The following GRIN2A variants were observed in gnomAD, a reference collection of about 807,000 sequenced individuals.
GRIN2A encodes glutamate ionotropic receptor NMDA type subunit 2A, also known as glutamate receptor ionotropic, NMDA 2A.
GRIN2A carries 22 observed loss-of-function variants against 113.4 expected under a neutral mutation model. The ratio of observed to expected loss-of-function variants is 0.19; its 90% CI spans 0.14 to 0.28. The LOEUF is 0.28. GRIN2A is among the 10% of genes least tolerant of loss of function. The pLI, the probability that GRIN2A is intolerant of heterozygous loss-of-function variation, is 1.00. For synonymous variants in GRIN2A, 827 were observed against 738.4 expected, an observed-to-expected ratio of 1.12 and a Z score of -1.94; for missense variants, 1,502 against 1,887.0, an observed-to-expected ratio of 0.80 and a Z score of 3.78.
chr16:9,927,531 ACTT>A (rs754981619), intron 3 of GRIN2A, among the ~76,000 whole-genome samples: 118 of 152,276 alleles, frequency 7.7e-4, no homozygotes, highest in Admixed American at 2.4e-3. Flanking sequence ...TGAAGTCCAA[ACTT>A]CTTCTGGAAT....
Position 9,753,896 on chromosome 16 carries a change from A to G in GRIN2A, c.*9253T>C, listed in dbSNP as rs1900261597. ...GTAGCTGTGAATAGAAACCCTCTGC[A>G]TATGGAGTTCAATCCTAGCCTTGTT... is the stretch of plus-strand genomic sequence containing the variant. On this transcript the variant is annotated 3_prime_UTR_variant, in exon 13 of 13. Coordinates refer to ENST00000330684, the MANE Select transcript of GRIN2A (RefSeq NM_001134407.3). 1.1e-5 allele frequency: 2 copies of G among 178,460 alleles called. No homozygotes were observed. Among genetic ancestry groups the G allele is most frequent in the African/African-American group, 4.7e-5 (2 of 42,314 alleles). 11.1% of individuals were successfully genotyped at this position (178,460 alleles called of 1,614,324 possible). A position where few individuals can be genotyped will look rare whatever the true frequency, so the allele number is the denominator to read the frequency against.
At chr16:9,947,929 A>G (rs1166265327) in intron 2 of GRIN2A, among the ~76,000 whole-genome samples, 1 of 152,184 alleles carries the variant, frequency 6.6e-6, no homozygotes, top group Non-Finnish European at 1.5e-5. Context: ...TCAAGAAAGA[A>G]TCAACCACAA....
intron 2 of GRIN2A, among the ~76,000 whole-genome samples, chr16:10,101,316 T>G (rs1048628296): frequency 1.3e-5 from 2 of 152,222 alleles, no homozygotes; most frequent in Non-Finnish European, 1.5e-5. Flanking sequence ...AGCATCTGTT[T>G]CCTGGAAGAT....
intron 7 of GRIN2A, among the ~76,000 whole-genome samples, chr16:9,836,325 G>A (rs982952115): frequency 4.6e-5 from 7 of 152,176 alleles, no homozygotes; most frequent in African/African-American, 1.7e-4. Flanking sequence ...GCTGTCCATG[G>A]TTCTGAAAAG....
intron 2 of GRIN2A, among the ~76,000 whole-genome samples, chr16:10,058,279 CAAAAAACA>C (rs1220595073): frequency 2.9e-5 from 4 of 140,168 alleles, no homozygotes; most frequent in Admixed American, 1.4e-4. Context: ...ACAAAAAAAC[CAAAAAACA>C]AAAAAACAAA....
At chr16:9,994,237 C>T (rs1026887842) in intron 2 of GRIN2A, among the ~76,000 whole-genome samples, 3 of 152,186 alleles carry the variant, frequency 2.0e-5, no homozygotes, top group African/African-American at 7.2e-5. Flanking sequence ...CTGCACCTGT[C>T]AGAATGCAAA....
chr16:9,991,115 TC>T, intron 2 of GRIN2A, among the ~76,000 whole-genome samples: 1 of 152,294 alleles, frequency 6.6e-6, no homozygotes, highest in East Asian at 1.9e-4. Flanking sequence ...GATGCCGATG[TC>T]CTCATTAAAA....
intron 2 of GRIN2A, among the ~76,000 whole-genome samples, chr16:10,119,881 G>A (rs1197617731): frequency 3.3e-5 from 5 of 152,066 alleles, no homozygotes; most frequent in Admixed American, 6.5e-5. Flanking sequence ...AATGGCCTCT[G>A]GCTCCATCCA....
intron 2 of GRIN2A, among the ~76,000 whole-genome samples, chr16:10,114,303 CA>C (rs1319015509): frequency 6.6e-6 from 1 of 152,202 alleles, no homozygotes; most frequent in Non-Finnish European, 1.5e-5. Context: ...AAAAGCCCCA[CA>C]GGGGAGCCTG....
intron 2 of GRIN2A, among the ~76,000 whole-genome samples, chr16:9,968,054 C>T (rs553169708): frequency 6.6e-6 from 1 of 152,172 alleles, no homozygotes; most frequent in African/African-American, 2.4e-5. Context: ...AACCTCCAGA[C>T]AACCCAGTGG....
At chr16:10,115,960 C>T (rs933437386) in intron 2 of GRIN2A, among the ~76,000 whole-genome samples, 9 of 152,092 alleles carry the variant, frequency 5.9e-5, no homozygotes, top group African/African-American at 2.2e-4. Context: ...CCAGCAATCC[C>T]GTTACAGGGT....
intron 2 of GRIN2A, among the ~76,000 whole-genome samples, chr16:10,119,380 G>A (rs2048789012): frequency 8.6e-5 from 1 of 11,574 alleles, no homozygotes; most frequent in Non-Finnish European, 3.7e-4. Flanking sequence ...AGCTTTATTT[G>A]ATGAGTTGTT....
At chr16:10,059,784 A>T (rs961294967) in intron 2 of GRIN2A, among the ~76,000 whole-genome samples, 2 of 151,934 alleles carry the variant, frequency 1.3e-5, no homozygotes, top group African/African-American at 4.8e-5. Context: ...GTAAGTGAAG[A>T]GAATGTTTGG....
Position 9,763,967 on chromosome 16 carries a change from A to T in GRIN2A, c.3577T>A (p.Leu1193Met), listed in dbSNP as rs1016506983. ...CTGTGCGGGGAACCCTTGTCTTTCA[A>T]GGTGAAGTGCTTGGAGTAGAGTTTA... ...QYKLYSKHFT[L>M]KDKGSPHSET... Residue 1193 changes from leucine (L) to methionine (M), a missense_variant, in exon 13 of 13, where the codon TTG (leucine) becomes ATG (methionine). Leu to Met is a conservative substitution (Grantham distance 15, BLOSUM62 2). This residue lies in a region of GRIN2A where 832 missense variants were observed against 789.7 expected (regional missense o/e 1.05). Transcript: ENST00000330684. 1 of 1,614,110 alleles carries T rather than the reference A, an allele frequency of 6.2e-7. No individual in the cohort carries two copies. Among genetic ancestry groups the T allele is most frequent in the Admixed American group, 1.7e-5 (1 of 60,014 alleles).
chr16:10,038,923 T>C (rs917149348), intron 2 of GRIN2A, among the ~76,000 whole-genome samples: 1 of 151,328 alleles, frequency 6.6e-6, no homozygotes, highest in Non-Finnish European at 1.5e-5. Flanking sequence ...TCCCCTGGCC[T>C]AGATAATTGC....
chr16:10,024,590 G>A (rs767770488), intron 2 of GRIN2A, among the ~76,000 whole-genome samples: 24 of 152,320 alleles, frequency 1.6e-4, no homozygotes, highest in Non-Finnish European at 2.8e-4. Context: ...CGTCTTCTCT[G>A]TCTCCCATTG....
intron 2 of GRIN2A, among the ~76,000 whole-genome samples, chr16:9,999,251 C>A (rs1018057515): frequency 3.3e-5 from 5 of 152,106 alleles, no homozygotes; most frequent in African/African-American, 1.2e-4. Flanking sequence ...AATCCTGACT[C>A]AACTGCTTAA....
intron 12 of GRIN2A, among the ~76,000 whole-genome samples, chr16:9,768,489 G>T (rs1478320074): frequency 6.6e-6 from 1 of 152,180 alleles, no homozygotes; most frequent in African/African-American, 2.4e-5. Flanking sequence ...ACAATACTCA[G>T]CAGGAGTTGA....
At chr16:10,177,842 T>C (rs1020893616) in intron 2 of GRIN2A, among the ~76,000 whole-genome samples, 1 of 151,958 alleles carries the variant, frequency 6.6e-6, no homozygotes, top group Non-Finnish European at 1.5e-5. Flanking sequence ...ATCAAGGGGG[T>C]TCCCTTCCAT....
Sources: gnomAD v4.1 joint callset for allele counts (sites outside exome capture counted in the v4.1 genomes callset) on GRCh38, gnomAD v4.1.1 for gene constraint, gnomAD v4.1.1 regional missense constraint, MANE v1.5 for transcripts, NCBI Gene and HGNC (gene_info 2026-07-23, HGNC 2026-07-21) for gene names.